SPEN: variants seen among roughly 807,000 people sequenced by gnomAD.
SPEN encodes msx2-interacting protein.
A neutral mutation model predicts 269.9 loss-of-function variants in SPEN; 18 were observed. The observed-to-expected ratio is 0.07, with a 90% confidence interval of 0.05 to 0.10. The LOEUF (loss-of-function observed/expected upper bound fraction) is 0.10, where lower values mean the gene tolerates loss of function less well. Among genes scored for constraint, SPEN ranks in the 10% least tolerant of loss-of-function variants. The pLI is 1.00. For synonymous variants in SPEN, 1,726 were observed against 1,765.7 expected (o/e 0.98, Z 0.56); for missense variants, 3,822 against 4,631.2 (o/e 0.83, Z 5.07).
At chr1:15,898,171 CTT>C (rs1491126179) in intron 3 of SPEN, among the ~76,000 whole-genome samples, 4 of 119,232 alleles carry the variant, frequency 3.4e-5, no homozygotes, top group Non-Finnish European at 6.8e-5. Context: ...CTTAATTTAT[CTT>C]TGTGTGTGTG....
At position 15,918,934 on chromosome 1, in the gene SPEN, C is replaced by T; in HGVS notation, c.1404C>T (p.Asp468=). ...TTCATTGGTTTTTTCAGGATATTGA[C>T]ATTAAGAAAGTAAATGGAGTTCCTC... ...FQRFGEIVDI[D]IKKVNGVPQY... Residue 468 remains aspartate, a synonymous_variant, in exon 7 of 15, where the codon GAC becomes GAT. Coordinates refer to ENST00000375759, the MANE Select transcript of SPEN (RefSeq NM_015001.3). 1 of 1,606,610 alleles carries T rather than the reference C, an allele frequency of 6.2e-7. No individual in the cohort carries two copies. The highest frequency in any genetic ancestry group is 8.5e-7 in the Non-Finnish European group (1 of 1,177,652).
intron 3 of SPEN, among the ~76,000 whole-genome samples, chr1:15,880,559 G>A (rs1448213711): frequency 2.7e-5 from 4 of 149,870 alleles, no homozygotes; most frequent in South Asian, 2.1e-4. Context: ...GGGTTCAAGC[G>A]ATTCTCTTGA....
At chr1:15,913,450 C>CTTGA (rs538138426) in intron 5 of SPEN, among the ~76,000 whole-genome samples, 143 of 151,906 alleles carry the variant, frequency 9.4e-4, no homozygotes, top group Admixed American at 9.2e-4. Flanking sequence ...TGGCTCACAC[C>CTTGA]TTGATTGATT....
At chr1:15,890,348 C>T (rs375229956) in intron 3 of SPEN, among the ~76,000 whole-genome samples, 3 of 152,082 alleles carry the variant, frequency 2.0e-5, no homozygotes, top group East Asian at 1.9e-4. Flanking sequence ...TTTCCTGCCT[C>T]AGCCTCCCGA....
chr1:15,939,590 C>A lies in SPEN; in HGVS notation c.*163C>A. On this transcript the variant is annotated 3_prime_UTR_variant, in exon 15 of 15. Coordinates refer to ENST00000375759, the MANE Select transcript of SPEN (RefSeq NM_015001.3). This position sits in a 1 kb window ranked among gnomAD's most constrained non-coding sequence, Gnocchi z 4.1. ...CCGCCCGGCTCAGTCGGCCAGACTT[C>A]CTCTAGGAGTGGTGCTGCTACCTTG... The A allele has an allele frequency of 1.3e-6, 1 of 787,810 alleles. No individual in the cohort carries two copies. Among genetic ancestry groups the A allele is most frequent in the South Asian group, 2.3e-5 (1 of 43,898 alleles). The allele number at this position is 787,810 out of a possible 1,614,324, so 48.8% of individuals were successfully genotyped here.
chr1:15,856,370 T>C (rs1557733010), intron 1 of SPEN, among the ~76,000 whole-genome samples: 1 of 152,044 alleles, frequency 6.6e-6, no homozygotes, highest in Non-Finnish European at 1.5e-5. Flanking sequence ...AATACCTCTT[T>C]ATTTTTAGTA....
At chr1:15,853,892 C>A (rs936456729) in intron 1 of SPEN, among the ~76,000 whole-genome samples, 6 of 152,084 alleles carry the variant, frequency 3.9e-5, no homozygotes, top group African/African-American at 1.4e-4. Flanking sequence ...TGGTCTCACT[C>A]CTGATCTCGT....
rs2071321711 is a variant in SPEN at position 15,939,844 on chromosome 1, G to T, written c.*417G>T. On this transcript the variant is annotated 3_prime_UTR_variant, in exon 15 of 15. Transcript: ENST00000375759. This position sits in a 1 kb window ranked among gnomAD's most constrained non-coding sequence, Gnocchi z 4.1. The stretch of plus-strand genomic sequence containing the variant: ...CAGGCTGTGACACTCTGGATGTCTT[G>T]GTGTGTGTAGACACACATTGCAGAC... 4.3e-6 allele frequency: 1 copy of T among 235,156 alleles called. No individual in the cohort carries two copies. The highest frequency in any genetic ancestry group is 8.4e-6 in the Non-Finnish European group (1 of 119,268). 14.6% of individuals were successfully genotyped at this position (235,156 alleles called of 1,614,324 possible).
rs1020358024 is a variant in SPEN at position 15,935,962 on chromosome 1, C to T, written c.9722C>T (p.Ala3241Val). Residue 3241 changes from alanine (A) to valine (V), a missense_variant, in exon 11 of 15, where the codon GCT becomes GTT. Around this residue, in one of 16 missense-constraint regions of SPEN, gnomAD observed 359 missense variants for 377.3 expected, o/e 0.95. Transcript: ENST00000375759. This position sits in a 1 kb window ranked among gnomAD's most constrained non-coding sequence, Gnocchi z 7.7. ...GCTGCCAAGACACCAGATGCCAAAG[C>T]TGCCCCCACCCCCACCCCTGCCCCC... The part of the protein sequence containing the change: ...KEAAKTPDAK[A>V]APTPTPAPVP... 1.3e-6 allele frequency: 2 copies of T among 1,579,946 alleles called. No individual in the cohort carries two copies. The highest frequency in any genetic ancestry group is 8.6e-7 in the Non-Finnish European group (1 of 1,164,922).
At chr1:15,866,245 T>C (rs2070506992) in intron 1 of SPEN, among the ~76,000 whole-genome samples, 1 of 152,204 alleles carries the variant, frequency 6.6e-6, no homozygotes, top group Admixed American at 6.6e-5. Flanking sequence ...TTTCTTTTGC[T>C]GGCTTTAGGG....
intron 3 of SPEN, among the ~76,000 whole-genome samples, chr1:15,892,121 C>T (rs1049232961): frequency 2.0e-5 from 3 of 148,540 alleles, no homozygotes; most frequent in Admixed American, 6.9e-5. Flanking sequence ...CCCCGGTTCA[C>T]GTCATTCTCC....
intron 1 of SPEN, among the ~76,000 whole-genome samples, chr1:15,860,286 G>T: frequency 6.6e-6 from 1 of 151,806 alleles, no homozygotes; most frequent in East Asian, 2.0e-4. Flanking sequence ...ACCCAGGTTG[G>T]AGGGGAGTGG....
At chr1:15,894,348 C>T (rs866824339) in intron 3 of SPEN, among the ~76,000 whole-genome samples, 4 of 152,080 alleles carry the variant, frequency 2.6e-5, no homozygotes, top group Admixed American at 6.6e-5. Flanking sequence ...TTTCAGGGAG[C>T]ATGCATGTTT....
intron 3 of SPEN, among the ~76,000 whole-genome samples, chr1:15,904,855 G>A (rs888966653): frequency 1.3e-5 from 2 of 151,390 alleles, no homozygotes; most frequent in African/African-American, 4.9e-5. Flanking sequence ...TATTTTAAAG[G>A]CATTATCACC....
At chr1:15,861,194 T>C (rs895332445) in intron 1 of SPEN, among the ~76,000 whole-genome samples, 1 of 148,732 alleles carries the variant, frequency 6.7e-6, no homozygotes, top group Non-Finnish European at 1.5e-5. Context: ...GTGCAGATGG[T>C]GTGGTCTCGG....
At position 15,934,428 on chromosome 1, in the gene SPEN, A is replaced by G; in HGVS notation, c.8188A>G (p.Ser2730Gly). ...AAPGTVNAAASAVNATASAVT... is the reference protein window; with the variant it reads ...AAPGTVNAAAGAVNATASAVT... ...CCCAGGCACAGTCAATGCCGCTGCG[A>G]GTGCAGTGAATGCCACAGCAAGTGC... The change falls in exon 11 of 15, where the codon AGT becomes GGT. Residue 2730 changes from serine (S) to glycine (G), a missense_variant. This residue lies in a region of SPEN where 329 missense variants were observed against 431.2 expected (regional missense o/e 0.76). Transcript: ENST00000375759. The surrounding 1 kb of genome is among the most constrained non-coding windows in gnomAD (Gnocchi z 9.2). The G allele has an allele frequency of 1.2e-6, 2 of 1,613,924 alleles. No individual in the cohort carries two copies. Among genetic ancestry groups the G allele is most frequent in the South Asian group, 1.1e-5 (1 of 91,084 alleles).
chr1:15,875,463 T>A (rs972154011), intron 2 of SPEN, among the ~76,000 whole-genome samples: 2 of 152,188 alleles, frequency 1.3e-5, no homozygotes, highest in Non-Finnish European at 2.9e-5. Flanking sequence ...CATTTGGAAT[T>A]TGATAGCACA....
intron 5 of SPEN, among the ~76,000 whole-genome samples, chr1:15,912,484 G>A (rs1009561128): frequency 6.6e-5 from 10 of 152,040 alleles, no homozygotes; most frequent in Non-Finnish European, 8.8e-5. Context: ...GAATATTCTT[G>A]TAATATTCAT....
In SPEN at chr1:15,928,534, G is replaced by A. The variant is rs1388396024; in HGVS notation, c.2294G>A (p.Ser765Asn). The A allele has an allele frequency of 1.2e-6, 2 of 1,614,140 alleles. No homozygotes were observed. Among genetic ancestry groups the A allele is most frequent in the Non-Finnish European group, 8.5e-7 (1 of 1,180,030 alleles). ...AGCCGATCCTCAGACCGGAGTGGAAGCTGTAGCTCACTCTCCCCTCCAAGA... is the reference window on the plus strand; with the variant it reads ...AGCCGATCCTCAGACCGGAGTGGAAACTGTAGCTCACTCTCCCCTCCAAGA... ...LYSRSSDRSG[S>N]CSSLSPPRYE... The change falls in exon 11 of 15, where the codon AGC becomes AAC. Residue 765 changes from serine (S) to asparagine (N), a missense_variant. Physicochemically the swap from Ser to Asn is conservative, Grantham distance 46. This residue lies in a region of SPEN where 572 missense variants were observed against 582.6 expected (regional missense o/e 0.98). Coordinates refer to ENST00000375759, the MANE Select transcript of SPEN (RefSeq NM_015001.3). The surrounding 1 kb of genome is among the most constrained non-coding windows in gnomAD (Gnocchi z 5.7).
Sources: gnomAD v4.1 joint callset for allele counts (sites outside exome capture counted in the v4.1 genomes callset) on GRCh38, gnomAD v4.1.1 for gene constraint, gnomAD v4.1.1 regional missense constraint, Gnocchi (gnomAD v3.1) non-coding constraint, MANE v1.5 for transcripts, NCBI Gene and HGNC (gene_info 2026-07-23, HGNC 2026-07-21) for gene names.